Variants in MUC7 observed in about 807,000 individuals in gnomAD.
MUC7 encodes the protein mucin-7.
In MUC7, 2 loss-of-function variants were observed where a neutral mutation model predicts 2.5. That is an observed-to-expected ratio of 0.81 (90% CI 0.33 to 2.55). The LOEUF (loss-of-function observed/expected upper bound fraction) is 2.55. Ranked by LOEUF, MUC7 falls within the 30% of genes most tolerant of loss-of-function variation. The pLI, the probability that MUC7 is intolerant of heterozygous loss-of-function variation, is 0.11. For missense variants in MUC7, 408 were observed against 455.6 expected, an observed-to-expected ratio of 0.90 and a Z score of 0.95; for synonymous variants, 133 against 173.4, an observed-to-expected ratio of 0.77 and a Z score of 1.83.
chr4:70,434,748 G>T (rs774004165), intron 1 of MUC7, among the ~76,000 whole-genome samples: 1 of 152,128 alleles, frequency 6.6e-6, no homozygotes, highest in Non-Finnish European at 1.5e-5. Context: ...CCTTCTGCGA[G>T]CTTTTGAAAG....
intron 1 of MUC7, among the ~76,000 whole-genome samples, chr4:70,456,889 G>A (rs1024738987): frequency 6.6e-6 from 1 of 152,074 alleles, no homozygotes; most frequent in African/African-American, 2.4e-5. Flanking sequence ...AGTGAACAAT[G>A]GAAGATGAAG....
At chr4:70,438,442 T>A (rs1018905025) in intron 1 of MUC7, among the ~76,000 whole-genome samples, 21 of 151,688 alleles carry the variant, frequency 1.4e-4, no homozygotes, top group Admixed American at 2.0e-4. Context: ...TTTGTTTTGT[T>A]TTGTTTTGTT....
At chr4:70,462,213 A>G (rs1023317847) in intron 1 of MUC7, among the ~76,000 whole-genome samples, 1 of 47,168 alleles carries the variant, frequency 2.1e-5, no homozygotes, top group African/African-American at 7.7e-5. Context: ...TCCTGTCTTA[A>G]AAAAAAAGAA....
At chr4:70,446,357 G>T (rs1734135074) in intron 1 of MUC7, among the ~76,000 whole-genome samples, 1 of 152,158 alleles carries the variant, frequency 6.6e-6, no homozygotes, top group South Asian at 2.1e-4. Flanking sequence ...TAGGCTAGGG[G>T]TCTGAAATCA....
At chr4:70,432,251 G>C (rs1049475579) in intron 1 of MUC7, among the ~76,000 whole-genome samples, 1 of 152,188 alleles carries the variant, frequency 6.6e-6, no homozygotes, top group Non-Finnish European at 1.5e-5. Flanking sequence ...ATAATCCTTT[G>C]GGTATATATC....
chr4:70,436,757 T>C (rs920967235), intron 1 of MUC7, among the ~76,000 whole-genome samples: 15 of 152,208 alleles, frequency 9.9e-5, no homozygotes, highest in African/African-American at 2.9e-4. Context: ...GGAGCTGTGT[T>C]CCTTTGGAGG....
chr4:70,468,926 CA>C (rs555524058), upstream of MUC7, among the ~76,000 whole-genome samples: 29 of 152,108 alleles, frequency 1.9e-4, no homozygotes, highest in African/African-American at 7.0e-4. Flanking sequence ...CATATGGAAC[CA>C]AAAAAGAACC....
At chr4:70,436,847 G>T (rs985518790) in intron 1 of MUC7, among the ~76,000 whole-genome samples, 1 of 151,618 alleles carries the variant, frequency 6.6e-6, no homozygotes, top group Admixed American at 6.6e-5. Context: ...ATCTATCTTT[G>T]GTCTTTGATG....
At chr4:70,469,159 G>A (rs965045945), upstream of MUC7, among the ~76,000 whole-genome samples, 1 of 152,186 alleles carries the variant, frequency 6.6e-6, no homozygotes, top group Non-Finnish European at 1.5e-5. Flanking sequence ...AATGGCAAAA[G>A]GATTCCCTAT....
Position 70,432,750 on chromosome 4 carries a change from G to T in MUC7, c.-93+2063G>T, listed in dbSNP as rs187138277. Among the ~76,000 whole-genome samples the T allele has an allele frequency of 5.5e-3, 837 of 152,212 alleles. 4 individuals are homozygous for T. The highest frequency in any genetic ancestry group is 0.019 in the African/African-American group (772 of 41,516). On this transcript the variant is annotated intron_variant, in intron 1 of 3. Transcript: ENST00000413702. The stretch of plus-strand genomic sequence containing the variant: ...TCTTTAGTTTAATTAGATCCCATTT[G>T]TCAATTTTGGCTTCTGTTGCCATTG...
At chr4:70,445,134 A>G (rs1249936054) in intron 1 of MUC7, among the ~76,000 whole-genome samples, 1 of 152,170 alleles carries the variant, frequency 6.6e-6, no homozygotes, top group East Asian at 1.9e-4. Flanking sequence ...TCTGTTTACC[A>G]TACCTGCTGC....
intron 1 of MUC7, among the ~76,000 whole-genome samples, chr4:70,455,203 C>T (rs1031649701): frequency 6.6e-6 from 1 of 151,982 alleles, no homozygotes; most frequent in Non-Finnish European, 1.5e-5. Context: ...TAAGAGTGAG[C>T]CCCCTCTGTG....
intron 1 of MUC7, among the ~76,000 whole-genome samples, chr4:70,451,739 C>T (rs1235121526): frequency 6.6e-6 from 1 of 152,052 alleles, no homozygotes; most frequent in Non-Finnish European, 1.5e-5. Context: ...TTTTCTTCAG[C>T]CACTGAATTA....
chr4:70,480,686 T>C, intron 2 of MUC7, 113 bp from the exon 3 acceptor site: 1 of 1,089,376 alleles, frequency 9.2e-7, no homozygotes. Context: ...TAATGTACTC[T>C]GGTTTCTAAT....
chr4:70,477,342 G>A (rs542295006), intron 2 of MUC7, among the ~76,000 whole-genome samples: 73 of 152,132 alleles, frequency 4.8e-4, no homozygotes, highest in Non-Finnish European at 9.4e-4. Flanking sequence ...CCCAGGAGAC[G>A]TAGGTTGCAG....
At chr4:70,433,740 G>C (rs1733744439) in intron 1 of MUC7, among the ~76,000 whole-genome samples, 1 of 152,074 alleles carries the variant, frequency 6.6e-6, no homozygotes, top group Non-Finnish European at 1.5e-5. Flanking sequence ...TGATTGTCCT[G>C]GCCAGAACTT....
At chr4:70,434,521 T>C (rs1004690428) in intron 1 of MUC7, among the ~76,000 whole-genome samples, 1 of 152,248 alleles carries the variant, frequency 6.6e-6, no homozygotes, top group Non-Finnish European at 1.5e-5. Flanking sequence ...GTGTTTATAG[T>C]ATTCTCTGAT....
At chr4:70,472,982 C>T (rs6844118) in intron 1 of MUC7, among the ~76,000 whole-genome samples, 2,059 of 152,274 alleles carry the variant, frequency 0.014, 49 homozygotes, top group African/African-American at 0.047. Flanking sequence ...CAAAAGACCA[C>T]ATTCTTCTCT....
chr4:70,456,237 A>G (rs1402488726), intron 1 of MUC7, among the ~76,000 whole-genome samples: 1 of 152,210 alleles, frequency 6.6e-6, no homozygotes, highest in African/African-American at 2.4e-5. Flanking sequence ...GAAGACTCTG[A>G]AAACATTTAC....
Sources: allele counts gnomAD v4.1 joint callset (sites outside exome capture counted in the v4.1 genomes callset), GRCh38; gene constraint gnomAD v4.1.1; transcripts MANE v1.5; gene names NCBI Gene and HGNC (gene_info 2026-07-23, HGNC 2026-07-21).